The following KCNT2 variants were observed in gnomAD, a reference collection of about 807,000 sequenced individuals.
The protein encoded by KCNT2 is potassium sodium-activated channel subfamily T member 2.
KCNT2 carries 67 observed loss-of-function variants against 153.8 expected under a neutral mutation model. The observed-to-expected ratio is 0.44, with a 90% CI of 0.36 to 0.53. The LOEUF is 0.53. Ranked by LOEUF, KCNT2 falls within the 20% of genes least tolerant of loss-of-function variation. The probability of loss-of-function intolerance (pLI) is 0.00; values close to 1 mark genes in which losing one functional copy is unlikely to be tolerated. For missense variants in KCNT2, 975 were observed against 1,354.8 expected, an observed-to-expected ratio of 0.72 and a Z score of 4.40; for synonymous variants, 500 against 458.8, an observed-to-expected ratio of 1.09 and a Z score of -1.15.
At chr1:196,432,110 G>A (rs1044177993) in intron 8 of KCNT2, among the ~76,000 whole-genome samples, 2 of 152,046 alleles carry the variant, frequency 1.3e-5, no homozygotes, top group African/African-American at 4.8e-5. Flanking sequence ...CCCAAGTGCT[G>A]GTCAAGCAGG....
intron 19 of KCNT2, among the ~76,000 whole-genome samples, chr1:196,326,208 G>A (rs1663832970): frequency 6.6e-6 from 1 of 152,074 alleles, no homozygotes; most frequent in Non-Finnish European, 1.5e-5. Flanking sequence ...CCAAATAAAT[G>A]CACAAGGTAA....
chr1:196,388,521 C>G (rs1670197130), intron 13 of KCNT2, among the ~76,000 whole-genome samples: 1 of 150,934 alleles, frequency 6.6e-6, no homozygotes, highest in African/African-American at 2.4e-5. Flanking sequence ...ATCTTTTAAC[C>G]CTTGAAGTAA....
Position 196,374,595 on chromosome 1 carries a change from ATTAT to A in KCNT2, c.1295-1351_1295-1348del, listed in dbSNP as rs1668797973. On this transcript the variant is annotated intron_variant, in intron 13 of 27. Transcript: ENST00000294725. ...AAATGTTTTTGAAATACATAACCAG[ATTAT>A]TTATTGCTTTGCAGGAAAGGCAAGC... 5.9e-5 allele frequency among the ~76,000 whole-genome samples: 9 copies of A among 151,938 alleles called. No individual in the cohort carries two copies. The South Asian group carries it at 1.9e-3, about 31-fold the overall frequency.
chr1:196,526,602 G>A (rs1422931111), intron 1 of KCNT2, among the ~76,000 whole-genome samples: 2 of 151,908 alleles, frequency 1.3e-5, no homozygotes, highest in East Asian at 1.9e-4. Flanking sequence ...ACAGGCACGC[G>A]CTGCCACACC....
intron 1 of KCNT2, among the ~76,000 whole-genome samples, chr1:196,575,764 G>T (rs1182221949): frequency 1.3e-5 from 2 of 151,632 alleles, no homozygotes; most frequent in Non-Finnish European, 2.9e-5. Context: ...GATCACCTGA[G>T]GTCAGGAATT....
intron 8 of KCNT2, among the ~76,000 whole-genome samples, chr1:196,441,421 T>A (rs933759217): frequency 7.8e-3 from 44 of 5,610 alleles, no homozygotes; most frequent in Admixed American, 9.6e-3. Context: ...TATTTTAAAA[T>A]CTACTTTTTT....
chr1:196,486,940 G>A (rs925764668), intron 3 of KCNT2, among the ~76,000 whole-genome samples: 10 of 151,708 alleles, frequency 6.6e-5, no homozygotes, highest in Non-Finnish European at 8.8e-5. Flanking sequence ...AAGACTTTTC[G>A]GTATTTGAAT....
At chr1:196,391,456 T>C (rs1012421428) in intron 13 of KCNT2, among the ~76,000 whole-genome samples, 7 of 151,380 alleles carry the variant, frequency 4.6e-5, no homozygotes, top group Non-Finnish European at 8.9e-5. Flanking sequence ...TCTGGCACTT[T>C]CTAAAAAAAT....
chr1:196,536,440 T>G (rs575147537), intron 1 of KCNT2, among the ~76,000 whole-genome samples: 6 of 152,322 alleles, frequency 3.9e-5, no homozygotes, highest in Admixed American at 3.9e-4. Context: ...CACTGTCCAC[T>G]TCCAGTTTCA....
chr1:196,245,385 C>T (rs539087432), intron 26 of KCNT2, among the ~76,000 whole-genome samples: 29 of 152,170 alleles, frequency 1.9e-4, no homozygotes, highest in African/African-American at 6.5e-4. Flanking sequence ...CCTGAAAAGC[C>T]TTTCAAGAAA....
intron 21 of KCNT2, among the ~76,000 whole-genome samples, chr1:196,309,890 T>C (rs1035349851): frequency 2.0e-5 from 3 of 151,862 alleles, no homozygotes; most frequent in African/African-American, 7.2e-5. Context: ...AAAGAAGATA[T>C]AGTTTGTTCT....
chr1:196,481,664 C>T (rs990787843), intron 4 of KCNT2, among the ~76,000 whole-genome samples: 2 of 151,906 alleles, frequency 1.3e-5, no homozygotes, highest in East Asian at 1.9e-4. Flanking sequence ...GAAGTAGAGG[C>T]GATAGAAACT....
At chr1:196,575,305 C>G (rs536780870) in intron 1 of KCNT2, among the ~76,000 whole-genome samples, 1 of 151,964 alleles carries the variant, frequency 6.6e-6, no homozygotes, top group Non-Finnish European at 1.5e-5. Flanking sequence ...TCAATGGTAT[C>G]TATATTATTT....
chr1:196,295,250 A>G (rs1660573004), intron 22 of KCNT2, among the ~76,000 whole-genome samples: 1 of 151,932 alleles, frequency 6.6e-6, no homozygotes, highest in South Asian at 2.1e-4. Flanking sequence ...TGTACTTTTT[A>G]AAATGATAAT....
chr1:196,444,818 T>G (rs1258832158), intron 8 of KCNT2, among the ~76,000 whole-genome samples: 1 of 151,372 alleles, frequency 6.6e-6, no homozygotes, highest in Non-Finnish European at 1.5e-5. Flanking sequence ...CAATATCTAC[T>G]GATATTGTGA....
intron 8 of KCNT2, among the ~76,000 whole-genome samples, chr1:196,449,423 G>T (rs1435008786): frequency 6.6e-6 from 1 of 151,654 alleles, no homozygotes; most frequent in East Asian, 1.9e-4. Context: ...GTGTCCCAAT[G>T]AACCTGGATT....
rs1653651539 is a variant in KCNT2, at chr1:196,228,331, A to C, written c.3301T>G (p.Leu1101Val). ...TRIELNDVVY[L>V]IRPDPLAYLP... The stretch of plus-strand genomic sequence containing the variant: ...TAGGCCAGTGGATCTGGTCGAATTA[A>C]GTATCTAATAAAAGAAAACAAAATA... Residue 1101 changes from leucine (L) to valine (V), a missense_variant, in exon 28 of 28, where the codon TTA becomes GTA. By Grantham distance (32) the Leu-to-Val change is conservative. Transcript: ENST00000294725. The C allele has an allele frequency of 6.4e-7, 1 of 1,571,418 alleles. No homozygotes were observed. The highest frequency in any genetic ancestry group is 1.4e-5 in the African/African-American group (1 of 73,912).
In KCNT2 at chr1:196,239,934, T is replaced by C. The variant is rs1415493518; in HGVS notation, c.3212-3864A>G. On this transcript the variant is annotated intron_variant, in intron 26 of 27. Transcript: ENST00000294725. Reference sequence around the variant, plus strand: ...GTAAATACACACAGAGACAAGACTGTATGAGGACACAGAAAGAAGGCAGCC... The same window carrying C: ...GTAAATACACACAGAGACAAGACTGCATGAGGACACAGAAAGAAGGCAGCC... Among the ~76,000 whole-genome samples the C allele has an allele frequency of 2.0e-5, 3 of 152,016 alleles. No homozygotes were observed. The East Asian group carries it at 5.8e-4, about 29-fold the overall frequency.
chr1:196,260,837 A>T (rs949049790), intron 25 of KCNT2, among the ~76,000 whole-genome samples: 1 of 151,890 alleles, frequency 6.6e-6, no homozygotes, highest in Non-Finnish European at 1.5e-5. Context: ...GAGGATAATA[A>T]CAGCCATCTT....
Sources: gnomAD v4.1 joint callset for allele counts (sites outside exome capture counted in the v4.1 genomes callset) on GRCh38, gnomAD v4.1.1 for gene constraint, MANE v1.5 for transcripts, NCBI Gene and HGNC (gene_info 2026-07-23, HGNC 2026-07-21) for gene names.